HMG20A: variants seen among roughly 807,000 people sequenced by gnomAD.
HMG20A encodes high mobility group 20A.
HMG20A carries 17 observed loss-of-function variants against 43.9 expected under a neutral mutation model. The observed-to-expected ratio is 0.39, with a 90% CI of 0.27 to 0.58. The LOEUF is 0.58. HMG20A is among the 20% of genes least tolerant of loss of function. The probability of loss-of-function intolerance (pLI) is 0.59; values close to 1 mark genes in which losing one functional copy is unlikely to be tolerated. For missense variants in HMG20A, 341 were observed against 438.2 expected (o/e 0.78, Z 1.98); for synonymous variants, 132 against 147.5 (o/e 0.89, Z 0.76).
intron 1 of HMG20A, among the ~76,000 whole-genome samples, chr15:77,443,572 A>G (rs916901638): frequency 2.0e-5 from 3 of 150,904 alleles, no homozygotes; most frequent in East Asian, 3.9e-4. Flanking sequence ...TTGTATTTTC[A>G]GTAGAGACAG....
chr15:77,464,885 C>T (rs1377399851), intron 3 of HMG20A: 1 of 152,156 alleles, frequency 6.6e-6, no homozygotes, highest in Non-Finnish European at 1.5e-5. Context: ...TAACTGATTA[C>T]ATTGTCAGTG....
At chr15:77,457,210 G>A (rs753056762) in intron 1 of HMG20A, among the ~76,000 whole-genome samples, 2 of 152,156 alleles carry the variant, frequency 1.3e-5, no homozygotes, top group Non-Finnish European at 2.9e-5. Context: ...TGTGGTCCTC[G>A]TGTCATCGGC....
At chr15:77,498,777 G>A in the HMG20A span, among the ~76,000 whole-genome samples, 116 of 152,276 alleles carry the variant, frequency 7.6e-4, no homozygotes, top group African/African-American at 2.7e-3. Context: ...CAAAGACACC[G>A]TCCTATTATT....
At chr15:77,442,914 C>T (rs149049165) in intron 1 of HMG20A, among the ~76,000 whole-genome samples, 133 of 152,002 alleles carry the variant, frequency 8.7e-4, no homozygotes, top group Non-Finnish European at 1.6e-3. Context: ...TCCTTGATGG[C>T]ACTTTTCCTC....
the HMG20A span, among the ~76,000 whole-genome samples, chr15:77,492,849 G>A: frequency 6.6e-6 from 1 of 151,958 alleles, no homozygotes; most frequent in Non-Finnish European, 1.5e-5. Flanking sequence ...AAGAAGAAGA[G>A]CATGCAGTGG....
chr15:77,503,042 C>T, the HMG20A span, among the ~76,000 whole-genome samples: 3 of 152,186 alleles, frequency 2.0e-5, no homozygotes, highest in Non-Finnish European at 2.9e-5. Flanking sequence ...TCTTTCCTGA[C>T]AATCCCCTAT....
chr15:77,468,067 C>A (rs2072772622), intron 4 of HMG20A, among the ~76,000 whole-genome samples: 1 of 152,188 alleles, frequency 6.6e-6, no homozygotes, highest in Non-Finnish European at 1.5e-5. Context: ...TGGAGAAATA[C>A]TCTCCTGGGA....
At chr15:77,499,772 C>T in the HMG20A span, among the ~76,000 whole-genome samples, 6 of 152,162 alleles carry the variant, frequency 3.9e-5, no homozygotes, top group South Asian at 2.1e-4. Context: ...TCGTCCTGCA[C>T]ACCACTACAA....
chr15:77,432,386 G>A (rs1348821617), intron 1 of HMG20A, among the ~76,000 whole-genome samples: 1 of 152,034 alleles, frequency 6.6e-6, no homozygotes, highest in Non-Finnish European at 1.5e-5. Flanking sequence ...AAAGTAAGTA[G>A]AAGAAAGGAA....
Position 77,471,789 on chromosome 15 carries a change from C to A in HMG20A, c.590C>A (p.Ala197Asp). Residue 197 changes from alanine (A) to aspartate (D), a missense_variant, in exon 6 of 10, where the codon GCC becomes GAC. By Grantham distance (126) the Ala-to-Asp change is moderately radical. Coordinates refer to ENST00000336216, the MANE Select transcript of HMG20A (RefSeq NM_001304504.2). ...TATTCTTTTATATTTTTAGATGCAG[C>A]CCGGCAGGCCACTCATGATCATGAG... Reference protein sequence around the residue: ...QKGKSHRQDAARQATHDHEKE... With the variant: ...QKGKSHRQDADRQATHDHEKE... The A allele has an allele frequency of 6.4e-7, 1 of 1,573,298 alleles. No homozygotes were observed. Among genetic ancestry groups the A allele is most frequent in the Non-Finnish European group, 8.7e-7 (1 of 1,149,166 alleles).
chr15:77,424,570 C>A (rs1456944127), intron 1 of HMG20A, among the ~76,000 whole-genome samples: 1 of 152,196 alleles, frequency 6.6e-6, no homozygotes, highest in African/African-American at 2.4e-5. Flanking sequence ...CCCAATCTTG[C>A]TTCTGCTACT....
chr15:77,497,329 C>T, the HMG20A span, among the ~76,000 whole-genome samples: 3 of 152,230 alleles, frequency 2.0e-5, no homozygotes, highest in Non-Finnish European at 2.9e-5. Context: ...CTAGGCAAGG[C>T]GAGACAATGA....
intron 1 of HMG20A, among the ~76,000 whole-genome samples, chr15:77,452,522 G>C (rs1455305435): frequency 6.6e-6 from 1 of 152,120 alleles, no homozygotes; most frequent in Non-Finnish European, 1.5e-5. Context: ...GAGAGACTGG[G>C]GTACTAGGAA....
downstream of HMG20A, among the ~76,000 whole-genome samples, chr15:77,490,342 T>C (rs1334551358): frequency 6.6e-6 from 1 of 151,892 alleles, no homozygotes; most frequent in Non-Finnish European, 1.5e-5. Context: ...GTATAGAGAA[T>C]TGTGGGGTGG....
intron 1 of HMG20A, among the ~76,000 whole-genome samples, chr15:77,428,447 C>G (rs1459942046): frequency 6.6e-6 from 1 of 152,068 alleles, no homozygotes; most frequent in East Asian, 1.9e-4. Context: ...ATATTCATCA[C>G]AAGATAAGAT....
the HMG20A span, among the ~76,000 whole-genome samples, chr15:77,503,888 A>G: frequency 1.3e-5 from 2 of 152,178 alleles, no homozygotes; most frequent in Non-Finnish European, 2.9e-5. Context: ...ATAGCGAGGT[A>G]GTGCACAACC....
At chr15:77,430,985 C>T (rs2073478835) in intron 1 of HMG20A, among the ~76,000 whole-genome samples, 2 of 152,000 alleles carry the variant, frequency 1.3e-5, no homozygotes, top group Non-Finnish European at 2.9e-5. Context: ...TTGAAAAGTG[C>T]AAGAAACGAC....
intron 1 of HMG20A, among the ~76,000 whole-genome samples, chr15:77,447,099 G>A (rs1199252703): frequency 6.6e-6 from 1 of 152,146 alleles, no homozygotes; most frequent in Non-Finnish European, 1.5e-5. Flanking sequence ...ATAATTCCAG[G>A]TTTTATTGGA....
At chr15:77,492,165 A>G in the HMG20A span, among the ~76,000 whole-genome samples, 1 of 152,262 alleles carries the variant, frequency 6.6e-6, no homozygotes, top group South Asian at 2.1e-4. Context: ...ACAATGTGTT[A>G]TGTAGGAATA....
Sources: allele counts gnomAD v4.1 joint callset (sites outside exome capture counted in the v4.1 genomes callset), GRCh38; gene constraint gnomAD v4.1.1; transcripts MANE v1.5; gene names NCBI Gene and HGNC (gene_info 2026-07-23, HGNC 2026-07-21).